ATCAY: variants seen among roughly 807,000 people sequenced by gnomAD.
The protein encoded by ATCAY is caytaxin.
A neutral mutation model predicts 47.7 loss-of-function variants in ATCAY; 22 were observed. The ratio of observed to expected loss-of-function variants is 0.46; its 90% CI spans 0.33 to 0.66. ATCAY has a LOEUF of 0.66. Among genes scored for constraint, ATCAY ranks in the 30% least tolerant of loss-of-function variants. The pLI is 0.02. For missense variants in ATCAY, 452 were observed against 515.0 expected (o/e 0.88, Z 1.18); for synonymous variants, 216 against 207.6 (o/e 1.04, Z -0.35).
intron 9 of ATCAY, among the ~76,000 whole-genome samples, chr19:3,914,375 A>C (rs2038949296): frequency 6.6e-6 from 1 of 152,012 alleles, no homozygotes; most frequent in Non-Finnish European, 1.5e-5. Context: ...TCCCCTTTAT[A>C]AAACCATCAG....
chr19:3,894,483 CA>C (rs35274604), intron 2 of ATCAY, among the ~76,000 whole-genome samples: 9,861 of 60,908 alleles, frequency 0.16, 277 homozygotes, highest in Non-Finnish European at 0.18. Context: ...GACTCCGTCT[CA>C]AAAAAAAAAA....
At position 3,926,016 on chromosome 19, in the gene ATCAY, A is replaced by T. The variant is rs1246227710; in HGVS notation, c.*1424A>T. 1 of 151,758 alleles carries T rather than the reference A, an allele frequency of 6.6e-6. No homozygotes were observed. Among genetic ancestry groups the T allele is most frequent in the Non-Finnish European group, 1.5e-5 (1 of 68,026 alleles). The allele number at this position is 151,758 out of a possible 1,614,324, so 9.4% of individuals were successfully genotyped here. ...AGCAAGACTCTGTCTCAAAAAAAATAAAAAATAATCAGGGCACAGTGGCTC... is the reference window on the plus strand; with the variant it reads ...AGCAAGACTCTGTCTCAAAAAAAATTAAAAATAATCAGGGCACAGTGGCTC... On this transcript the variant is annotated 3_prime_UTR_variant, in exon 13 of 13. Transcript: ENST00000450849.
chr19:3,924,522 A>G (rs2145271604), intron 12 of ATCAY, 61 bp from the exon 13 acceptor site: 2 of 1,602,514 alleles, frequency 1.2e-6, no homozygotes, highest in Non-Finnish European at 1.7e-6. Flanking sequence ...TACATGTAGA[A>G]GCGCATTTTG....
chr19:3,884,019 G>C (rs939517949), intron 1 of ATCAY, among the ~76,000 whole-genome samples: 5 of 152,020 alleles, frequency 3.3e-5, no homozygotes, highest in South Asian at 2.1e-4. Flanking sequence ...TGGTGTGGGG[G>C]GTGGGGCGGC....
At chr19:3,899,088 C>T (rs1314290266) in intron 2 of ATCAY, among the ~76,000 whole-genome samples, 2 of 152,096 alleles carry the variant, frequency 1.3e-5, no homozygotes, top group Admixed American at 6.6e-5. Flanking sequence ...GGAATCCGCT[C>T]CATTTTGATC....
At chr19:3,901,368 A>G (rs960370855) in intron 2 of ATCAY, among the ~76,000 whole-genome samples, 1 of 152,108 alleles carries the variant, frequency 6.6e-6, no homozygotes, top group Non-Finnish European at 1.5e-5. Flanking sequence ...ATATTTCATT[A>G]TTTATTTGGT....
At chr19:3,882,440 C>T (rs2038610395) in intron 1 of ATCAY, among the ~76,000 whole-genome samples, 1 of 151,946 alleles carries the variant, frequency 6.6e-6, no homozygotes, top group African/African-American at 2.4e-5. Flanking sequence ...ACTTCAGCCT[C>T]CTGAATAGCT....
chr19:3,923,277 C>T (rs2039035405), intron 12 of ATCAY, among the ~76,000 whole-genome samples: 1 of 152,182 alleles, frequency 6.6e-6, no homozygotes, highest in Non-Finnish European at 1.5e-5. Flanking sequence ...AATCATCCAC[C>T]ATGAGCAAAA....
At chr19:3,920,847 A>G in intron 12 of ATCAY, 49 bp downstream of exon 12, 1 of 1,603,788 alleles carries the variant, frequency 6.2e-7, no homozygotes, top group African/African-American at 1.3e-5. Flanking sequence ...AATGTCCTTC[A>G]TGGACCTGTA....
chr19:3,895,494 T>C (rs150769819), intron 2 of ATCAY, among the ~76,000 whole-genome samples: 1,800 of 151,502 alleles, frequency 0.012, 41 homozygotes, highest in African/African-American at 0.042. Flanking sequence ...GGATTACAGG[T>C]GTGAGCCACC....
chr19:3,911,404 G>C (rs995862522), intron 8 of ATCAY, among the ~76,000 whole-genome samples: 2 of 151,818 alleles, frequency 1.3e-5, no homozygotes, highest in African/African-American at 4.8e-5. Flanking sequence ...CATGCCTGTA[G>C]TCCCAGCTAC....
rs750620413 is a variant in ATCAY, at chr19:3,881,871, C to G, written c.-42+863C>G. On this transcript the variant is annotated intron_variant, in intron 1 of 12. Coordinates refer to ENST00000450849, the MANE Select transcript of ATCAY (RefSeq NM_033064.5). Reference sequence around the variant, plus strand: ...CCTGGCTGGCTGCTGCCACCGCCCCCCCCCCGACCCCATAGCATCCAGGAG... The same window carrying G: ...CCTGGCTGGCTGCTGCCACCGCCCCGCCCCCGACCCCATAGCATCCAGGAG... Among the ~76,000 whole-genome samples the G allele has an allele frequency of 1.0e-4, 15 of 144,934 alleles. 1 individual carries two copies. Among genetic ancestry groups the G allele is most frequent in the South Asian group, 6.9e-4 (3 of 4,364 alleles).
At chr19:3,922,181 A>C in intron 12 of ATCAY, 1 of 702,136 alleles carries the variant, frequency 1.4e-6, no homozygotes, top group South Asian at 1.5e-5. Context: ...GCACAGATCA[A>C]GCTGATGCCA....
chr19:3,887,183 A>G (rs1286232928), intron 2 of ATCAY, among the ~76,000 whole-genome samples: 1 of 151,958 alleles, frequency 6.6e-6, no homozygotes, highest in Non-Finnish European at 1.5e-5. Flanking sequence ...GGGGCTGGGC[A>G]CGGTGGCTCA....
Position 3,907,690 on chromosome 19 carries a change from T to C in ATCAY, c.359-44T>C, listed in dbSNP as rs967654702. ...AGGCTGAGCAGGAGGGCAGGAGATATCCGGACTCTGGCGTCCATGCGACTC... is the reference window on the plus strand; with the variant it reads ...AGGCTGAGCAGGAGGGCAGGAGATACCCGGACTCTGGCGTCCATGCGACTC... On this transcript the variant is annotated intron_variant, in intron 4 of 12. Transcript: ENST00000450849. This position sits in a 1 kb window ranked among gnomAD's most constrained non-coding sequence, Gnocchi z 5.1. 6.2e-7 allele frequency: 1 copy of C among 1,607,912 alleles called. No homozygotes were observed. Among genetic ancestry groups the C allele is most frequent in the Non-Finnish European group, 8.5e-7 (1 of 1,176,394 alleles).
chr19:3,909,355 C>A (rs2038902229), intron 6 of ATCAY, 131 bp from the exon 7 acceptor site: 3 of 1,042,850 alleles, frequency 2.9e-6, no homozygotes, highest in East Asian at 2.5e-5. Context: ...GCCAGGACAG[C>A]AGACAACACC....
intron 2 of ATCAY, 91 bp from the exon 3 acceptor site, chr19:3,902,396 G>C (rs191872542): frequency 8.3e-7 from 1 of 1,202,180 alleles, no homozygotes; most frequent in Non-Finnish European, 1.2e-6. Flanking sequence ...TGTCTGACTC[G>C]CCTGGCTGGA....
chr19:3,917,600 A>G (rs1365527605), intron 9 of ATCAY, 142 bp from the exon 10 acceptor site: 5 of 912,400 alleles, frequency 5.5e-6, no homozygotes, highest in Non-Finnish European at 7.9e-6. Flanking sequence ...AAAAAAAAAA[A>G]AAAAAAAAAA....
At chr19:3,900,435 C>A (rs1299239374) in intron 2 of ATCAY, among the ~76,000 whole-genome samples, 1 of 152,056 alleles carries the variant, frequency 6.6e-6, no homozygotes, top group Non-Finnish European at 1.5e-5. Context: ...CCCCACAACC[C>A]CATCCAGGAT....
Sources: gnomAD v4.1 joint callset for allele counts (sites outside exome capture counted in the v4.1 genomes callset) on GRCh38, gnomAD v4.1.1 for gene constraint, Gnocchi (gnomAD v3.1) non-coding constraint, MANE v1.5 for transcripts, NCBI Gene and HGNC (gene_info 2026-07-23, HGNC 2026-07-21) for gene names.